The following RTTN variants were observed in gnomAD, a reference collection of about 807,000 sequenced individuals.
The protein encoded by RTTN is rotatin.
RTTN carries 182 observed loss-of-function variants against 269.2 expected under a neutral mutation model. The observed-to-expected ratio is 0.68, with a 90% CI of 0.60 to 0.76. The LOEUF (loss-of-function observed/expected upper bound fraction) is 0.76, where lower values mean the gene tolerates loss of function less well. Among genes scored for constraint, RTTN ranks in the 30% least tolerant of loss-of-function variants. The pLI is 0.00. For synonymous variants in RTTN, 1,006 were observed against 963.5 expected, an observed-to-expected ratio of 1.04 and a Z score of -0.82; for missense variants, 2,545 against 2,608.6, an observed-to-expected ratio of 0.98 and a Z score of 0.53.
intron 39 of RTTN, among the ~76,000 whole-genome samples, chr18:70,050,653 G>A (rs1000117464): frequency 6.6e-6 from 1 of 152,204 alleles, no homozygotes; most frequent in Non-Finnish European, 1.5e-5. Flanking sequence ...GTTCACAATA[G>A]CAAAGACTTG....
intron 11 of RTTN, among the ~76,000 whole-genome samples, chr18:70,172,184 G>A (rs1394980434): frequency 1.3e-5 from 2 of 152,054 alleles, no homozygotes; most frequent in Admixed American, 6.6e-5. Flanking sequence ...GATTACCAAC[G>A]TATCATTTTA....
At chr18:70,195,311 T>C (rs150209933) in intron 7 of RTTN, among the ~76,000 whole-genome samples, 1,879 of 152,366 alleles carry the variant, frequency 0.012, 23 homozygotes, top group South Asian at 0.037. Context: ...TGAGGGACTT[T>C]CTCTGACTAT....
chr18:70,044,489 A>G (rs2057436241), intron 40 of RTTN, among the ~76,000 whole-genome samples: 1 of 152,200 alleles, frequency 6.6e-6, no homozygotes, highest in African/African-American at 2.4e-5. Flanking sequence ...ATCCATTCCA[A>G]CACCCCCAGT....
At chr18:70,044,745 T>C (rs7240668) in intron 40 of RTTN, among the ~76,000 whole-genome samples, 2,937 of 152,240 alleles carry the variant, frequency 0.019, 82 homozygotes, top group African/African-American at 0.067. Flanking sequence ...AAGATTGCTA[T>C]ACTAAGTGAT....
chr18:70,045,505 T>G (rs2057466845), intron 40 of RTTN, among the ~76,000 whole-genome samples: 2 of 152,240 alleles, frequency 1.3e-5, no homozygotes, highest in Non-Finnish European at 2.9e-5. Flanking sequence ...ACAGCCTCCA[T>G]GGACATATAG....
chr18:70,115,986 C>G (rs955860686), intron 26 of RTTN, among the ~76,000 whole-genome samples: 1 of 151,672 alleles, frequency 6.6e-6, no homozygotes, highest in Non-Finnish European at 1.5e-5. Flanking sequence ...TAGTTTTTTT[C>G]CCAACTTTTT....
At chr18:70,168,753 C>G in intron 12 of RTTN, 102 bp downstream of exon 12, 1 of 844,622 alleles carries the variant, frequency 1.2e-6, no homozygotes, top group Non-Finnish European at 1.9e-6. Context: ...ATGTATCCCA[C>G]CTGTGACAAT....
intron 40 of RTTN, among the ~76,000 whole-genome samples, chr18:70,040,772 C>T (rs939875171): frequency 6.6e-6 from 1 of 152,142 alleles, no homozygotes; most frequent in Non-Finnish European, 1.5e-5. Flanking sequence ...TAATATCAAG[C>T]ATCTTCTATG....
Position 70,086,497 on chromosome 18 carries a change from C to T in RTTN, c.4374+116G>A, listed in dbSNP as rs13381186. ...AAATTCTACGTTCTATTTTAAGAGG[C>T]CCTTGCTGTCTTGTATATAGTTTCA... On this transcript the variant is annotated intron_variant, in intron 32 of 48. Transcript: ENST00000640769. The T allele has an allele frequency of 1.8e-3, 1,515 of 837,608 alleles. 14 individuals are homozygous for T. In the African/African-American group the frequency reaches 0.023, roughly 13 times the overall value. 51.9% of individuals were successfully genotyped at this position (837,608 alleles called of 1,614,324 possible).
rs1406869402 is a variant in RTTN, at chr18:70,205,643, G to A, written c.16C>T (p.Leu6Phe). 2 of 1,614,154 alleles carry A rather than the reference G, an allele frequency of 1.2e-6. No homozygotes were observed. The highest frequency in any genetic ancestry group is 8.5e-7 in the Non-Finnish European group (1 of 1,180,022). Reference protein sequence around the residue: MVLAGLIRKLGHQLAE... With the variant: MVLAGFIRKLGHQLAE... ...TGACAGTTACCGAGTTTCCTGATGA[G>A]CCCTGCCAGGACCATCTCGTCCCGT... Residue 6 changes from leucine (L) to phenylalanine (F), a missense_variant, in exon 1 of 49, where the codon CTC becomes TTC. Physicochemically the swap from Leu to Phe is conservative, Grantham distance 22. Coordinates refer to ENST00000640769, the MANE Select transcript of RTTN (RefSeq NM_173630.4).
At chr18:70,126,138 G>A (rs1233309002) in intron 25 of RTTN, among the ~76,000 whole-genome samples, 5 of 152,004 alleles carry the variant, frequency 3.3e-5, no homozygotes, top group Non-Finnish European at 7.4e-5. Flanking sequence ...CTCACATACA[G>A]TTACTGCTAT....
At chr18:70,051,386 C>CA in intron 39 of RTTN, 25 bp downstream of exon 39, 3 of 1,585,028 alleles carry the variant, frequency 1.9e-6, no homozygotes, top group Non-Finnish European at 2.6e-6. Context: ...AGAAAGCCCC[C>CA]AAGATTATGC....
intron 4 of RTTN, among the ~76,000 whole-genome samples, chr18:70,201,634 A>AG (rs2061954674): frequency 6.8e-6 from 1 of 147,776 alleles, no homozygotes; most frequent in African/African-American, 2.5e-5. Context: ...AAAAAAAAAA[A>AG]CTCATGTTCA....
chr18:70,060,876 T>G (rs2057963861), intron 35 of RTTN, among the ~76,000 whole-genome samples: 1 of 152,152 alleles, frequency 6.6e-6, no homozygotes, highest in South Asian at 2.1e-4. Context: ...CCTGGCTTAT[T>G]TCATTTAACA....
intron 40 of RTTN, among the ~76,000 whole-genome samples, chr18:70,035,982 C>G (rs2057161047): frequency 6.6e-6 from 1 of 152,024 alleles, no homozygotes; most frequent in Non-Finnish European, 1.5e-5. Context: ...TAGAGAAATG[C>G]AAATCAAAGC....
intron 32 of RTTN, among the ~76,000 whole-genome samples, chr18:70,080,737 A>G (rs2058542351): frequency 6.6e-6 from 1 of 152,204 alleles, no homozygotes; most frequent in South Asian, 2.1e-4. Flanking sequence ...TTTCTTAAAG[A>G]ACTAAAAGTA....
chr18:70,117,202 G>C (rs936404517), intron 26 of RTTN, among the ~76,000 whole-genome samples: 8 of 151,916 alleles, frequency 5.3e-5, no homozygotes, highest in Non-Finnish European at 1.0e-4. Flanking sequence ...TTTTGTTTTT[G>C]CAACCACAAC....
In RTTN at chr18:70,087,461, G is replaced by C. The variant is rs559375413; in HGVS notation, c.4302+528C>G. Reference sequence around the variant, plus strand: ...TGGCGACTGCTAATGGTGGACCCAGGAGCTGCTGTTTTTTTTCATAAGCCT... The same window carrying C: ...TGGCGACTGCTAATGGTGGACCCAGCAGCTGCTGTTTTTTTTCATAAGCCT... On this transcript the variant is annotated intron_variant, in intron 31 of 48. Transcript: ENST00000640769. Among the ~76,000 whole-genome samples the C allele has an allele frequency of 9.9e-5, 15 of 152,122 alleles. No individual in the cohort carries two copies. The South Asian group carries it at 2.9e-3, about 29-fold the overall frequency.
intron 35 of RTTN, among the ~76,000 whole-genome samples, chr18:70,062,716 C>T (rs1219369155): frequency 6.6e-6 from 1 of 150,686 alleles, no homozygotes; most frequent in Admixed American, 6.6e-5. Context: ...GGCTCAAGTG[C>T]TCCTCCCACC....
Sources: allele counts gnomAD v4.1 joint callset (sites outside exome capture counted in the v4.1 genomes callset), GRCh38; gene constraint gnomAD v4.1.1; transcripts MANE v1.5; gene names NCBI Gene and HGNC (gene_info 2026-07-23, HGNC 2026-07-21).